HPS1: variants seen among roughly 807,000 people sequenced by gnomAD.
The protein encoded by HPS1 is HPS1 biogenesis of lysosomal organelles complex 3 subunit 1.
HPS1 carries 59 observed loss-of-function variants against 90.6 expected under a neutral mutation model. The ratio of observed to expected loss-of-function variants is 0.65; its 90% CI spans 0.53 to 0.81. The LOEUF (loss-of-function observed/expected upper bound fraction) is 0.81. Ranked by LOEUF, HPS1 falls within the 30% of genes least tolerant of loss-of-function variation. HPS1 has a pLI of 0.00. For missense variants in HPS1, 849 were observed against 896.7 expected, an observed-to-expected ratio of 0.95 and a Z score of 0.68; for synonymous variants, 388 against 384.4, an observed-to-expected ratio of 1.01 and a Z score of -0.11.
intron 6 of HPS1, 92 bp downstream of exon 6, chr10:98,433,891 C>G: frequency 6.6e-7 from 1 of 1,519,392 alleles, no homozygotes; most frequent in Non-Finnish European, 8.9e-7. Context: ...CTTGTGCCTT[C>G]ATTCATTAGG....
chr10:98,431,785 T>C (rs553591189), intron 6 of HPS1, among the ~76,000 whole-genome samples: 3 of 152,174 alleles, frequency 2.0e-5, no homozygotes, highest in Non-Finnish European at 4.4e-5. Flanking sequence ...AAAGGCCCTA[T>C]GCATAATTTA....
intron 6 of HPS1, 54 bp from the exon 7 acceptor site, chr10:98,431,345 T>A (rs774377997): frequency 4.4e-5 from 70 of 1,583,154 alleles, no homozygotes; most frequent in Non-Finnish European, 6.0e-5. Flanking sequence ...CTTGCCCCAC[T>A]CCAAGCCCTG....
intron 2 of HPS1, among the ~76,000 whole-genome samples, chr10:98,444,887 A>G (rs1939199352): frequency 6.6e-6 from 1 of 152,182 alleles, no homozygotes; most frequent in Non-Finnish European, 1.5e-5. Context: ...TCCCAGGTAC[A>G]TGTGACAAAG....
At chr10:98,442,931 C>A (rs1045827033) in intron 3 of HPS1, 193 bp downstream of exon 3, 2 of 641,176 alleles carry the variant, frequency 3.1e-6, no homozygotes, top group South Asian at 1.7e-5. Context: ...GGTGGGGTCA[C>A]CGAGCTCAGA....
At position 98,417,778 on chromosome 10, in the gene HPS1, C is replaced by T. The variant is rs1844293607; in HGVS notation, c.1941-52G>A. 7.1e-6 allele frequency: 11 copies of T among 1,556,368 alleles called. No homozygotes were observed. The highest frequency in any genetic ancestry group is 8.9e-6 in the Non-Finnish European group (10 of 1,128,948). On this transcript the variant is annotated intron_variant, in intron 19 of 19. Transcript: ENST00000361490. The surrounding 1 kb of genome is among the most constrained non-coding windows in gnomAD (Gnocchi z 4.2). ...CAGGAGTGAGGCTGTGGCACTCCTCCAGCGCCAGAGGCCTCTCTGGGCCCT... is the reference window on the plus strand; with the variant it reads ...CAGGAGTGAGGCTGTGGCACTCCTCTAGCGCCAGAGGCCTCTCTGGGCCCT...
intron 5 of HPS1, chr10:98,434,955 C>T (rs1176460763): frequency 2.0e-5 from 8 of 405,074 alleles, no homozygotes; most frequent in Admixed American, 7.3e-5. Flanking sequence ...TTTGTAATGA[C>T]GGGTGATGAT....
intron 6 of HPS1, among the ~76,000 whole-genome samples, chr10:98,432,957 G>A (rs549658501): frequency 4.6e-5 from 7 of 152,204 alleles, no homozygotes; most frequent in African/African-American, 7.2e-5. Flanking sequence ...TTCTAGGGCC[G>A]GGCACTGTGG....
chr10:98,429,882 G>A lies in HPS1; in HGVS notation c.776C>T (p.Pro259Leu), dbSNP rs745797275. Residue 259 changes from proline (P) to leucine (L), a missense_variant, in exon 9 of 20, where the codon CCG becomes CTG. By Grantham distance (98) the Pro-to-Leu change is moderately conservative. Transcript: ENST00000361490. ...GTTCTGGCTGCTCCGGGCCCTCCGC[G>A]GGGAAGGCTGTGCAGGGCAGGGGAG... Reference protein sequence around the residue: ...STAEDDIQPSPRRARSSQNIP... With the variant: ...STAEDDIQPSLRRARSSQNIP... 20 of 1,610,876 alleles carry A rather than the reference G, an allele frequency of 1.2e-5. No individual in the cohort carries two copies. Among genetic ancestry groups the A allele is most frequent in the Admixed American group, 1.0e-4 (6 of 59,992 alleles).
In HPS1 at chr10:98,429,819, C is replaced by G. The variant is rs757168241; in HGVS notation, c.839G>C (p.Gly280Ala). 3 of 1,613,770 alleles carry G rather than the reference C, an allele frequency of 1.9e-6. No individual in the cohort carries two copies. The South Asian group carries it at 3.3e-5, about 18-fold the overall frequency. Residue 280 changes from glycine to alanine, a missense_variant, in exon 9 of 20, where the codon GGC becomes GCC. By Grantham distance (60) the Gly-to-Ala change is moderately conservative. Coordinates refer to ENST00000361490, the MANE Select transcript of HPS1 (RefSeq NM_000195.5). Reference protein sequence around the residue: ...VQQAWSPHSTGPTGGSSAETE... With the variant: ...VQQAWSPHSTAPTGGSSAETE... ...CTCTGCAGAGCTCCCCCCAGTTGGG[C>G]CCGTGGAGTGAGGGCTCCAGGCCTG... is the stretch of plus-strand genomic sequence containing the variant.
downstream of HPS1, among the ~76,000 whole-genome samples, chr10:98,415,679 C>A (rs1844007836): frequency 1.3e-5 from 2 of 152,252 alleles, no homozygotes. Context: ...GGGCGGCCAT[C>A]TAGCGTCACC....
Position 98,435,783 on chromosome 10 carries a change from G to T in HPS1, c.118-11C>A, listed in dbSNP as rs748456763. The T allele has an allele frequency of 1.9e-6, 3 of 1,614,172 alleles. No individual in the cohort carries two copies. The highest frequency in any genetic ancestry group is 4.5e-5 in the East Asian group (2 of 44,882). ...CTCCAGGGCAGGGAGCTGCAAAAAT[G>T]GGGGAAAATTTCACAGCTTAGAGTG... On this transcript the variant is annotated splice_polypyrimidine_tract_variant and intron_variant, in intron 3 of 19. Coordinates refer to ENST00000361490, the MANE Select transcript of HPS1 (RefSeq NM_000195.5). The surrounding 1 kb of genome is among the most constrained non-coding windows in gnomAD (Gnocchi z 4.3).
At chr10:98,426,745 A>AGT (rs58431822) in intron 11 of HPS1, among the ~76,000 whole-genome samples, 32,830 of 147,684 alleles carry the variant, frequency 0.22, 3,705 homozygotes, top group East Asian at 0.33. Context: ...GTACATATGT[A>AGT]GTGTGTGTGT....
At chr10:98,419,530 A>G (rs1295568844) in intron 18 of HPS1, among the ~76,000 whole-genome samples, 1 of 151,928 alleles carries the variant, frequency 6.6e-6, no homozygotes, top group East Asian at 2.0e-4. Flanking sequence ...CCCCCACTGG[A>G]CCCTACTCTG....
intron 16 of HPS1, among the ~76,000 whole-genome samples, chr10:98,422,947 G>A (rs1224096230): frequency 2.6e-5 from 4 of 152,198 alleles, no homozygotes; most frequent in African/African-American, 9.7e-5. Flanking sequence ...TCCCATTTGG[G>A]AGGGGAAGAG....
intron 3 of HPS1, among the ~76,000 whole-genome samples, chr10:98,438,624 G>A (rs1378863757): frequency 6.6e-6 from 1 of 152,206 alleles, no homozygotes; most frequent in Non-Finnish European, 1.5e-5. Context: ...TTCACTAATA[G>A]ATGGTTTGGA....
chr10:98,444,681 C>T (rs1939155219), intron 2 of HPS1, among the ~76,000 whole-genome samples: 1 of 152,242 alleles, frequency 6.6e-6, no homozygotes, highest in Non-Finnish European at 1.5e-5. Context: ...TTACTGAATT[C>T]CTCCCAAACT....
intron 3 of HPS1, among the ~76,000 whole-genome samples, chr10:98,440,351 A>G (rs1274392009): frequency 6.6e-6 from 1 of 152,200 alleles, no homozygotes; most frequent in Non-Finnish European, 1.5e-5. Flanking sequence ...TGTTTCTTAA[A>G]GCAAGAGTGA....
At position 98,443,144 on chromosome 10, in the gene HPS1, A is replaced by T; in HGVS notation, c.97T>A (p.Ser33Thr). The T allele has an allele frequency of 6.2e-7, 1 of 1,613,270 alleles. No individual in the cohort carries two copies. The highest frequency in any genetic ancestry group is 1.1e-5 in the South Asian group (1 of 91,044). The change falls in exon 3 of 20, where the codon TCA (serine) becomes ACA (threonine). Residue 33 changes from serine (S) to threonine (T), a missense_variant. By Grantham distance (58) the Ser-to-Thr change is moderately conservative. Transcript: ENST00000361490. ...EESLRLKFGQSENEEEELPAL... is the reference protein window; with the variant it reads ...EESLRLKFGQTENEEEELPAL... The stretch of plus-strand genomic sequence containing the variant: ...CTCACCTCTTCTTCCTCATTCTCTG[A>T]CTGCCCGAACTTCAGCCGGAGACTC...
chr10:98,421,702 G>A (rs1844870964), intron 17 of HPS1, among the ~76,000 whole-genome samples: 1 of 152,206 alleles, frequency 6.6e-6, no homozygotes, highest in East Asian at 1.9e-4. Flanking sequence ...AACTGTATCT[G>A]TATTTTGTGC....
Sources: gnomAD v4.1 joint callset for allele counts (sites outside exome capture counted in the v4.1 genomes callset) on GRCh38, gnomAD v4.1.1 for gene constraint, Gnocchi (gnomAD v3.1) non-coding constraint, MANE v1.5 for transcripts, NCBI Gene and HGNC (gene_info 2026-07-23, HGNC 2026-07-21) for gene names.